The following SULF2 variants were observed in gnomAD, a reference collection of about 807,000 sequenced individuals.
SULF2 encodes the protein extracellular sulfatase Sulf-2.
SULF2 carries 52 observed loss-of-function variants against 107.7 expected under a neutral mutation model. That is an observed-to-expected ratio of 0.48 (90% CI 0.39 to 0.61). SULF2 has a LOEUF of 0.61. Ranked by LOEUF, SULF2 falls within the 20% of genes least tolerant of loss-of-function variation. The pLI is 0.00. For missense variants in SULF2, 993 were observed against 1,177.3 expected (o/e 0.84, Z 2.29); for synonymous variants, 460 against 464.3 (o/e 0.99, Z 0.12).
At chr20:47,672,519 C>T (rs1424734888) in intron 10 of SULF2, 126 bp from the exon 11 acceptor site, 2 of 1,437,480 alleles carry the variant, frequency 1.4e-6, no homozygotes, top group African/African-American at 1.4e-5. Context: ...TACCGAGCCC[C>T]ACCTCTGCTA....
At chr20:47,747,933 C>T (rs1196218483) in intron 2 of SULF2, among the ~76,000 whole-genome samples, 2 of 152,160 alleles carry the variant, frequency 1.3e-5, no homozygotes, top group East Asian at 1.9e-4. Flanking sequence ...CTGCAGTGCC[C>T]CGTCCTGCTC....
At chr20:47,724,978 A>G (rs1460004772) in intron 3 of SULF2, among the ~76,000 whole-genome samples, 3 of 152,246 alleles carry the variant, frequency 2.0e-5, no homozygotes, top group African/African-American at 7.2e-5. Context: ...ACTGCAATCT[A>G]CAGGGAAAAT....
At chr20:47,763,650 G>A (rs912518869) in intron 1 of SULF2, among the ~76,000 whole-genome samples, 3 of 152,150 alleles carry the variant, frequency 2.0e-5, no homozygotes, top group Non-Finnish European at 4.4e-5. Context: ...AGACCTAGCG[G>A]CCTCCCCAGG....
At chr20:47,769,516 A>G (rs2090589194) in intron 1 of SULF2, among the ~76,000 whole-genome samples, 1 of 151,754 alleles carries the variant, frequency 6.6e-6, no homozygotes, top group African/African-American at 2.4e-5. Context: ...TATTTTGTAG[A>G]GGGGCATCCC....
chr20:47,697,181 C>A (rs2088408309), intron 4 of SULF2, among the ~76,000 whole-genome samples: 1 of 152,214 alleles, frequency 6.6e-6, no homozygotes, highest in Non-Finnish European at 1.5e-5. Context: ...CACTTCCCTT[C>A]CCACTAACAA....
intron 2 of SULF2, among the ~76,000 whole-genome samples, chr20:47,754,222 C>T (rs967101873): frequency 1.3e-5 from 2 of 152,222 alleles, no homozygotes; most frequent in African/African-American, 4.8e-5. Flanking sequence ...GGATGGACGT[C>T]TGTTCTCTGT....
rs11484145 is a variant in SULF2 at position 47,717,813 on chromosome 20, ATT to A, written c.416-15145_416-15144del. Among the ~76,000 whole-genome samples the A allele has an allele frequency of 1.3e-3, 180 of 135,406 alleles. 1 individual carries two copies. In the Middle Eastern group the frequency reaches 0.016, roughly 12 times the overall value. The allele number at this position is 135,406 out of a possible 152,430, so 88.8% of individuals were successfully genotyped here. Reference sequence around the variant, plus strand: ...CCAGAAGTGTAGGGTTTCAGAGATAATTTTTTTTTTTTTTTTTTGAGATGGAG... The same window carrying A: ...CCAGAAGTGTAGGGTTTCAGAGATAATTTTTTTTTTTTTTTTGAGATGGAG... On this transcript the variant is annotated intron_variant, in intron 3 of 20. Transcript: ENST00000688720.
In SULF2 at chr20:47,680,180, C is replaced by A. The variant is rs1028186252; in HGVS notation, c.1065-1376G>T. On this transcript the variant is annotated intron_variant, in intron 7 of 20. Transcript: ENST00000688720. This position sits in a 1 kb window ranked among gnomAD's most constrained non-coding sequence, Gnocchi z 4.2. Reference sequence around the variant, plus strand: ...AGTGTGGTGGCATGATCCTGGCTCACTGCAACCTCCACCTCCTGGGTTCAA... The same window carrying A: ...AGTGTGGTGGCATGATCCTGGCTCAATGCAACCTCCACCTCCTGGGTTCAA... 2.0e-5 allele frequency among the ~76,000 whole-genome samples: 3 copies of A among 152,230 alleles called. No individual in the cohort carries two copies. The highest frequency in any genetic ancestry group is 7.2e-5 in the African/African-American group (3 of 41,458).
chr20:47,715,315 C>A (rs1446597726), intron 3 of SULF2, among the ~76,000 whole-genome samples: 1 of 152,108 alleles, frequency 6.6e-6, no homozygotes, highest in East Asian at 1.9e-4. Context: ...CCCCTTTCCC[C>A]CGACATTGCT....
At chr20:47,726,847 C>T (rs534684421) in intron 3 of SULF2, among the ~76,000 whole-genome samples, 153 of 152,294 alleles carry the variant, frequency 1.0e-3, no homozygotes, top group African/African-American at 3.4e-3. Context: ...TCACCACAGT[C>T]ACCCTTCCCT....
intron 2 of SULF2, among the ~76,000 whole-genome samples, chr20:47,751,161 G>A (rs546563946): frequency 1.3e-5 from 2 of 152,332 alleles, no homozygotes; most frequent in African/African-American, 2.4e-5. Context: ...AACACCTGCC[G>A]AATGAATAAG....
At chr20:47,757,942 C>T (rs1180637176) in intron 1 of SULF2, among the ~76,000 whole-genome samples, 1 of 152,062 alleles carries the variant, frequency 6.6e-6, no homozygotes, top group South Asian at 2.1e-4. Context: ...GGGGTTTAAA[C>T]GAGAGCCTGG....
chr20:47,746,776 A>G (rs2090044745), intron 2 of SULF2, among the ~76,000 whole-genome samples: 1 of 150,500 alleles, frequency 6.6e-6, no homozygotes, highest in African/African-American at 2.4e-5. Flanking sequence ...ATAGGTGGGA[A>G]TTGAACAATG....
chr20:47,703,513 C>T (rs981288676), intron 3 of SULF2, among the ~76,000 whole-genome samples: 1 of 152,174 alleles, frequency 6.6e-6, no homozygotes, highest in African/African-American at 2.4e-5. Flanking sequence ...ATGGGCAACA[C>T]CTAGTATGGG....
Position 47,736,716 on chromosome 20 carries a change from A to G in SULF2, c.402T>C (p.Thr134=). Residue 134 remains threonine, a synonymous_variant, in exon 3 of 21, where the codon ACT becomes ACC. Coordinates refer to ENST00000688720, the MANE Select transcript of SULF2 (RefSeq NM_001387048.1). ...SRTFAVYLNS[T]GYRTAFFGKY... ...GTCCCTGCTCACCTGTCCGGTAGCC[A>G]GTGCTATTGAGGTACACGGCAAAGG... 6.2e-7 allele frequency: 1 copy of G among 1,614,154 alleles called. No individual in the cohort carries two copies. Among genetic ancestry groups the G allele is most frequent in the Non-Finnish European group, 8.5e-7 (1 of 1,180,014 alleles).
At chr20:47,698,203 G>C (rs766521297) in intron 4 of SULF2, among the ~76,000 whole-genome samples, 1 of 152,198 alleles carries the variant, frequency 6.6e-6, no homozygotes, top group Non-Finnish European at 1.5e-5. Context: ...TTTTTTGGCC[G>C]TTGAGCACCT....
chr20:47,670,772 G>A (rs1479586326), intron 11 of SULF2, among the ~76,000 whole-genome samples: 1 of 96,108 alleles, frequency 1.0e-5, no homozygotes, highest in African/African-American at 3.6e-5. Context: ...AGTTTTGCAA[G>A]ATGAAGAGTT....
chr20:47,696,602 A>G (rs1212279516), intron 4 of SULF2, among the ~76,000 whole-genome samples: 1 of 152,246 alleles, frequency 6.6e-6, no homozygotes, highest in African/African-American at 2.4e-5. Context: ...TGGGGCTTAT[A>G]TTCTTATGAG....
chr20:47,771,169 G>C (rs1314324055), intron 1 of SULF2, among the ~76,000 whole-genome samples: 4 of 152,146 alleles, frequency 2.6e-5, no homozygotes, highest in Admixed American at 2.6e-4. Context: ...CCTGGCTGTC[G>C]GGGCTGGGCG....
Sources: gnomAD v4.1 joint callset for allele counts (sites outside exome capture counted in the v4.1 genomes callset) on GRCh38, gnomAD v4.1.1 for gene constraint, Gnocchi (gnomAD v3.1) non-coding constraint, MANE v1.5 for transcripts, NCBI Gene and HGNC (gene_info 2026-07-23, HGNC 2026-07-21) for gene names.